GSDMC: variants seen among roughly 807,000 people sequenced by gnomAD.
The protein encoded by GSDMC is gasdermin C, also known as gasdermin-C.
Under a neutral mutation model 58.0 loss-of-function variants are expected in GSDMC, and 59 were observed. That is an observed-to-expected ratio of 1.02 (90% CI 0.82 to 1.26). GSDMC has a LOEUF of 1.26. Among genes scored for constraint, GSDMC ranks in the 50% most tolerant of loss-of-function variants. The probability of loss-of-function intolerance (pLI) is 0.00; values close to 1 mark genes in which losing one functional copy is unlikely to be tolerated. For synonymous variants in GSDMC, 241 were observed against 220.2 expected (o/e 1.09, Z -0.83); for missense variants, 659 against 598.5 (o/e 1.10, Z -1.06).
chr8:129,729,003 C>T, the GSDMC span: 2 of 660,574 alleles, frequency 3.0e-6, no homozygotes, highest in Admixed American at 2.1e-5. Context: ...GAGCTTGCTG[C>T]ACGATGAGGA....
At chr8:129,751,478 C>T in intron 10 of GSDMC, 64 bp downstream of exon 10, 1 of 1,391,964 alleles carries the variant, frequency 7.2e-7, no homozygotes, top group Non-Finnish European at 1.0e-6. Context: ...AAACCACCAA[C>T]TTGGGTGCTC....
At chr8:129,709,014 G>A in the GSDMC span, among the ~76,000 whole-genome samples, 3 of 152,166 alleles carry the variant, frequency 2.0e-5, no homozygotes, top group Non-Finnish European at 4.4e-5. Context: ...CATGAAGAAG[G>A]GAGTATTCTC....
intron 3 of GSDMC, among the ~76,000 whole-genome samples, chr8:129,770,216 T>A (rs1253123878): frequency 6.6e-6 from 1 of 152,214 alleles, no homozygotes; most frequent in African/African-American, 2.4e-5. Context: ...GGCTCATGCC[T>A]CATATTATAG....
At chr8:129,750,161 C>A in intron 11 of GSDMC, 42 bp from the exon 12 acceptor site, 1 of 1,429,456 alleles carries the variant, frequency 7.0e-7, no homozygotes, top group Non-Finnish European at 9.4e-7. Context: ...ATACTAATAA[C>A]AGTAATGTTA....
chr8:129,715,568 C>T, the GSDMC span, among the ~76,000 whole-genome samples: 2 of 152,116 alleles, frequency 1.3e-5, no homozygotes, highest in Non-Finnish European at 2.9e-5. Context: ...CTATGCCTAC[C>T]TTAAATGAGT....
chr8:129,752,545 A>G (rs4285452), intron 7 of GSDMC, among the ~76,000 whole-genome samples, 153 bp downstream of exon 7: 76,025 of 152,056 alleles, frequency 0.5, 19,598 homozygotes, highest in African/African-American at 0.61. Context: ...CTAAGTTCTA[A>G]GCAAAAAAAC....
At chr8:129,737,452 A>G in the GSDMC span, among the ~76,000 whole-genome samples, 1 of 152,252 alleles carries the variant, frequency 6.6e-6, no homozygotes, top group African/African-American at 2.4e-5. Context: ...GATGTAGACC[A>G]ATGGAACAGA....
intron 3 of GSDMC, among the ~76,000 whole-genome samples, chr8:129,770,867 A>G (rs1208553190): frequency 6.6e-6 from 1 of 151,994 alleles, no homozygotes; most frequent in African/African-American, 2.4e-5. Context: ...GCAAGATCCA[A>G]TGACCTGCTG....
intron 5 of GSDMC, 75 bp from the exon 6 acceptor site, chr8:129,760,664 A>G: frequency 6.0e-6 from 2 of 331,910 alleles, no homozygotes; most frequent in South Asian, 3.9e-5. Context: ...GGAACTCCTT[A>G]TATCAAAACC....
chr8:129,768,849 G>T (rs1051406118), intron 3 of GSDMC, among the ~76,000 whole-genome samples: 7 of 152,198 alleles, frequency 4.6e-5, no homozygotes, highest in African/African-American at 1.7e-4. Flanking sequence ...GGAGACCAAG[G>T]TTGGAGGATC....
intron 3 of GSDMC, among the ~76,000 whole-genome samples, chr8:129,768,616 G>C (rs954426275): frequency 1.3e-5 from 2 of 152,154 alleles, no homozygotes; most frequent in African/African-American, 4.8e-5. Flanking sequence ...GCAAAAGGAA[G>C]AATTAGTGGA....
intron 3 of GSDMC, among the ~76,000 whole-genome samples, chr8:129,774,867 C>G (rs145753553): frequency 6.6e-6 from 1 of 152,164 alleles, no homozygotes; most frequent in African/African-American, 2.4e-5. Flanking sequence ...AAATCAAAAC[C>G]ACAATGAGAC....
downstream of GSDMC, among the ~76,000 whole-genome samples, chr8:129,743,235 T>G (rs778379443): frequency 4.6e-5 from 7 of 152,214 alleles, no homozygotes; most frequent in Non-Finnish European, 1.0e-4. Context: ...TCCAATTACA[T>G]GTGTTATATC....
chr8:129,782,241 A>G (rs1288971524), intron 1 of GSDMC, among the ~76,000 whole-genome samples: 2 of 152,160 alleles, frequency 1.3e-5, no homozygotes, highest in African/African-American at 4.8e-5. Flanking sequence ...TTATAGCTAT[A>G]AGTGTCTACA....
rs763990045 is a variant in GSDMC, at chr8:129,751,905, T to G, written c.887-14A>C. ...CTTGTTCGTATTCTAAAAAAAGAAA[T>G]GAAATTCCTCACCAAAGAGGCTCAA... On this transcript the variant is annotated splice_polypyrimidine_tract_variant and intron_variant, in intron 8 of 13. Coordinates refer to ENST00000276708, the MANE Select transcript of GSDMC (RefSeq NM_031415.3). The G allele has an allele frequency of 1.2e-5, 19 of 1,539,448 alleles. No individual in the cohort carries two copies. The highest frequency in any genetic ancestry group is 1.7e-5 in the Non-Finnish European group (19 of 1,142,200).
the GSDMC span, among the ~76,000 whole-genome samples, chr8:129,718,263 GCAAT>G: frequency 4.6e-5 from 7 of 152,114 alleles, no homozygotes; most frequent in African/African-American, 1.7e-4. Context: ...GAAAATTTTT[GCAAT>G]CTATCCATCT....
the GSDMC span, among the ~76,000 whole-genome samples, chr8:129,731,387 G>T: frequency 6.6e-6 from 1 of 152,222 alleles, no homozygotes; most frequent in African/African-American, 2.4e-5. Flanking sequence ...CCTCAGGACT[G>T]GTAAGCCAGG....
intron 5 of GSDMC, among the ~76,000 whole-genome samples, chr8:129,761,880 G>A (rs1266277693): frequency 6.6e-6 from 1 of 152,192 alleles, no homozygotes; most frequent in Non-Finnish European, 1.5e-5. Context: ...ACACTCCCGT[G>A]ACCATGTTGC....
At chr8:129,729,485 A>G in the GSDMC span, among the ~76,000 whole-genome samples, 1 of 150,902 alleles carries the variant, frequency 6.6e-6, no homozygotes, top group Non-Finnish European at 1.5e-5. Flanking sequence ...AACAGGCCCC[A>G]GTGTGTGATG....
Sources: allele counts gnomAD v4.1 joint callset (sites outside exome capture counted in the v4.1 genomes callset), GRCh38; gene constraint gnomAD v4.1.1; transcripts MANE v1.5; gene names NCBI Gene and HGNC (gene_info 2026-07-23, HGNC 2026-07-21).